The following FAF2 variants were observed in gnomAD, a reference collection of about 807,000 sequenced individuals.
The protein encoded by FAF2 is FAS-associated factor 2.
A neutral mutation model predicts 62.3 loss-of-function variants in FAF2; 9 were observed. The observed-to-expected ratio is 0.14, with a 90% CI of 0.09 to 0.25. The LOEUF is 0.25. Among genes scored for constraint, FAF2 ranks in the 10% least tolerant of loss-of-function variants. The pLI, the probability that FAF2 is intolerant of heterozygous loss-of-function variation, is 1.00. For missense variants in FAF2, 368 were observed against 556.2 expected (o/e 0.66, Z 3.40); for synonymous variants, 202 against 198.0 (o/e 1.02, Z -0.17).
chr5:176,452,243 A>G (rs1169175837), intron 1 of FAF2, among the ~76,000 whole-genome samples: 3 of 152,078 alleles, frequency 2.0e-5, no homozygotes, highest in African/African-American at 7.2e-5. Context: ...TTTTTAGTAC[A>G]GACAAGGTTT....
rs1397921914 is a variant in FAF2, at chr5:176,508,229, G to A, written c.*1279G>A. ...TTTTTAACCTCTGGATGTCTCGTCT[G>A]TGGTTGAGTTTATGGTAATGGGTAC... On this transcript the variant is annotated 3_prime_UTR_variant, in exon 11 of 11. Transcript: ENST00000261942. The A allele has an allele frequency of 2.0e-5, 3 of 152,246 alleles. No individual in the cohort carries two copies. Among genetic ancestry groups the A allele is most frequent in the African/African-American group, 7.2e-5 (3 of 41,440 alleles). 9.4% of individuals were successfully genotyped at this position (152,246 alleles called of 1,614,324 possible).
rs77802425 is a variant in FAF2 at position 176,478,596 on chromosome 5, T to G, written c.64-592T>G. Among the ~76,000 whole-genome samples, 259 of 152,346 alleles carry G rather than the reference T, an allele frequency of 1.7e-3. 2 individuals carry two copies. The East Asian group carries it at 0.037, about 22-fold the overall frequency. On this transcript the variant is annotated intron_variant, in intron 1 of 10. Coordinates refer to ENST00000261942, the MANE Select transcript of FAF2 (RefSeq NM_014613.3). ...ATAAGTTAATGAAAGGCATGACGTT[T>G]TACAGGAAAGGTGCATTACATCATT...
chr5:176,492,096 G>C, intron 4 of FAF2, 98 bp from the exon 5 acceptor site: 3 of 1,396,284 alleles, frequency 2.1e-6, no homozygotes, highest in Non-Finnish European at 3.0e-6. Flanking sequence ...CTTTGTTGCC[G>C]TGCCTCTGGC....
intron 1 of FAF2, chr5:176,453,238 A>G (rs1758218791): frequency 6.6e-6 from 1 of 152,238 alleles, no homozygotes; most frequent in African/African-American, 2.4e-5. Context: ...GGTATGTGGA[A>G]GGTTACTTTT....
intron 1 of FAF2, among the ~76,000 whole-genome samples, chr5:176,478,502 G>A (rs562461195): frequency 2.0e-5 from 3 of 152,196 alleles, no homozygotes; most frequent in Non-Finnish European, 2.9e-5. Flanking sequence ...CGGGGGGTAG[G>A]GGGGTCGGTA....
intron 1 of FAF2, among the ~76,000 whole-genome samples, chr5:176,478,435 C>T (rs1309259759): frequency 6.6e-6 from 1 of 151,938 alleles, no homozygotes; most frequent in Non-Finnish European, 1.5e-5. Context: ...GCAGTCATTG[C>T]GCTATTGCAC....
intron 1 of FAF2, among the ~76,000 whole-genome samples, chr5:176,462,942 A>ACCTTTTCAC (rs1232888194): frequency 6.6e-6 from 1 of 152,218 alleles, no homozygotes; most frequent in Non-Finnish European, 1.5e-5. Context: ...CAAAGAGGAT[A>ACCTTTTCAC]ACAGAAATAC....
In FAF2 at chr5:176,451,825, TATAC is replaced by T. The variant is rs1282830646; in HGVS notation, c.63+3359_63+3362del. ...ATATATATATACACACATATATATA[TATAC>T]ATATATATATATACACACATATATA... On this transcript the variant is annotated intron_variant, in intron 1 of 10. Transcript: ENST00000261942. 1.5e-4 allele frequency among the ~76,000 whole-genome samples: 7 copies of T among 47,758 alleles called. 1 individual carries two copies. Among genetic ancestry groups the T allele is most frequent in the Non-Finnish European group, 2.8e-4 (7 of 24,902 alleles). 31.3% of individuals were successfully genotyped at this position (47,758 alleles called of 152,430 possible). A position where few individuals can be genotyped will look rare whatever the true frequency, so the allele number is the denominator to read the frequency against.
rs1758106801 is a variant in FAF2 at position 176,448,475 on chromosome 5, C to T, written c.63+5C>T. 4 of 1,593,574 alleles carry T rather than the reference C, an allele frequency of 2.5e-6. No individual in the cohort carries two copies. In the African/African-American group the frequency reaches 4.0e-5, roughly 16 times the overall value. On this transcript the variant is annotated splice_donor_5th_base_variant and intron_variant, in intron 1 of 10. Coordinates refer to ENST00000261942, the MANE Select transcript of FAF2 (RefSeq NM_014613.3). ...GAGAAGCTGCTGCAGTTTCAGGTAG[C>T]AGCGAGTACTCGGTGCAGCAGATGC...
At chr5:176,487,875 C>T (rs1561824396) in intron 3 of FAF2, among the ~76,000 whole-genome samples, 1 of 152,116 alleles carries the variant, frequency 6.6e-6, no homozygotes, top group East Asian at 1.9e-4. Flanking sequence ...CAGAATCTCC[C>T]TCTGTTGCCC....
At chr5:176,456,174 C>T (rs374799372) in intron 1 of FAF2, among the ~76,000 whole-genome samples, 22 of 152,220 alleles carry the variant, frequency 1.4e-4, no homozygotes, top group African/African-American at 5.1e-4. Context: ...TGGGTTCAAG[C>T]AATTCTCCTG....
intron 8 of FAF2, among the ~76,000 whole-genome samples, chr5:176,497,942 G>A (rs1454090385): frequency 6.6e-6 from 1 of 152,154 alleles, no homozygotes; most frequent in South Asian, 2.1e-4. Context: ...TTGAACTCAG[G>A]AGTTTGAGGT....
At chr5:176,463,214 C>T (rs938726252) in intron 1 of FAF2, among the ~76,000 whole-genome samples, 4 of 151,784 alleles carry the variant, frequency 2.6e-5, no homozygotes, top group Admixed American at 1.3e-4. Flanking sequence ...GCCAACATAG[C>T]AAAACCCCGT....
Position 176,504,498 on chromosome 5 carries a change from C to T in FAF2, c.1156-2270C>T, listed in dbSNP as rs150532871. Reference sequence around the variant, plus strand: ...GCTTGGGAGGCTGAGGCAGGAAAATCGCTTGAGCCCAGGAGGCAGAAGTTG... The same window carrying T: ...GCTTGGGAGGCTGAGGCAGGAAAATTGCTTGAGCCCAGGAGGCAGAAGTTG... On this transcript the variant is annotated intron_variant, in intron 10 of 10. Transcript: ENST00000261942. Among the ~76,000 whole-genome samples the T allele has an allele frequency of 2.2e-3, 329 of 151,360 alleles. 2 individuals are homozygous for T. The highest frequency in any genetic ancestry group is 7.7e-3 in the African/African-American group (319 of 41,284).
intron 1 of FAF2, among the ~76,000 whole-genome samples, chr5:176,460,785 T>C (rs900463234): frequency 2.0e-5 from 3 of 151,912 alleles, no homozygotes; most frequent in African/African-American, 7.3e-5. Flanking sequence ...ACCCCAACTG[T>C]ACCAAAAATC....
chr5:176,456,845 G>T (rs934308942), intron 1 of FAF2, among the ~76,000 whole-genome samples: 1 of 152,190 alleles, frequency 6.6e-6, no homozygotes, highest in Non-Finnish European at 1.5e-5. Context: ...AACTTCAGGG[G>T]TTGTAGTTGA....
chr5:176,490,294 G>C (rs1758951313), intron 4 of FAF2, among the ~76,000 whole-genome samples: 1 of 148,390 alleles, frequency 6.7e-6, no homozygotes, highest in African/African-American at 2.5e-5. Context: ...CTGGGTGAGA[G>C]AGTGGGACTC....
chr5:176,507,383 T>G lies in FAF2; in HGVS notation c.*433T>G. 2.2e-6 allele frequency: 1 copy of G among 446,666 alleles called. No individual in the cohort carries two copies. Among genetic ancestry groups the G allele is most frequent in the South Asian group, 1.6e-5 (1 of 62,470 alleles). The allele number at this position is 446,666 out of a possible 1,614,324, so 27.7% of individuals were successfully genotyped here. Reference sequence around the variant, plus strand: ...GCAGCATCTCCTGAGGACTTGCTTCTCCTGCCTCTGGGGAAGAGAGGGAAG... The same window carrying G: ...GCAGCATCTCCTGAGGACTTGCTTCGCCTGCCTCTGGGGAAGAGAGGGAAG... On this transcript the variant is annotated 3_prime_UTR_variant, in exon 11 of 11. Coordinates refer to ENST00000261942, the MANE Select transcript of FAF2 (RefSeq NM_014613.3).
chr5:176,471,671 C>T (rs1379057365), intron 1 of FAF2, among the ~76,000 whole-genome samples: 2 of 141,104 alleles, frequency 1.4e-5, no homozygotes, highest in East Asian at 4.2e-4. Flanking sequence ...GCATGAGCCA[C>T]CACGCCCGGC....
Sources: allele counts gnomAD v4.1 joint callset (sites outside exome capture counted in the v4.1 genomes callset), GRCh38; gene constraint gnomAD v4.1.1; transcripts MANE v1.5; gene names NCBI Gene and HGNC (gene_info 2026-07-23, HGNC 2026-07-21).